The following MRPL48 variants were observed in gnomAD, a reference collection of about 807,000 sequenced individuals.
The protein encoded by MRPL48 is mitochondrial ribosomal protein L48, also known as large ribosomal subunit protein mL48.
A neutral mutation model predicts 32.9 loss-of-function variants in MRPL48; 16 were observed. The ratio of observed to expected loss-of-function variants is 0.49; its 90% CI spans 0.33 to 0.74. The LOEUF (loss-of-function observed/expected upper bound fraction) is 0.74. MRPL48 is among the 30% of genes least tolerant of loss of function. MRPL48 has a pLI of 0.02. For synonymous variants in MRPL48, 94 were observed against 89.2 expected, an observed-to-expected ratio of 1.05 and a Z score of -0.31; for missense variants, 206 against 245.3, an observed-to-expected ratio of 0.84 and a Z score of 1.07.
At chr11:73,824,136 G>A (rs1194314035) in intron 3 of MRPL48, among the ~76,000 whole-genome samples, 2 of 151,898 alleles carry the variant, frequency 1.3e-5, no homozygotes, top group Non-Finnish European at 2.9e-5. Context: ...TTACAGCCAT[G>A]AGCCACCGCA....
At chr11:73,789,977 C>T (rs1490470462) in intron 1 of MRPL48, among the ~76,000 whole-genome samples, 1 of 151,850 alleles carries the variant, frequency 6.6e-6, no homozygotes, top group Non-Finnish European at 1.5e-5. Context: ...TTTACTAAAT[C>T]CTTGAACTCC....
intron 1 of MRPL48, 85 bp downstream of exon 1, chr11:73,788,077 G>T: frequency 6.4e-7 from 1 of 1,567,814 alleles, no homozygotes. Context: ...AGAGCGGGGA[G>T]GTGGCGGCGC....
chr11:73,835,203 G>T (rs546443928), intron 4 of MRPL48, among the ~76,000 whole-genome samples: 5 of 145,158 alleles, frequency 3.4e-5, no homozygotes, highest in Middle Eastern at 3.6e-3. Flanking sequence ...GTGCTGTGGT[G>T]TGATCTTGGC....
chr11:73,838,862 G>T (rs965749535), intron 4 of MRPL48, among the ~76,000 whole-genome samples: 1 of 152,118 alleles, frequency 6.6e-6, no homozygotes, highest in East Asian at 1.9e-4. Context: ...GTCTGGCTTC[G>T]TGATTCTGGG....
intron 5 of MRPL48, among the ~76,000 whole-genome samples, chr11:73,847,088 G>A (rs183300934): frequency 1.8e-4 from 28 of 151,414 alleles, no homozygotes; most frequent in Non-Finnish European, 3.2e-4. Context: ...TTTCTGGATT[G>A]TATAGTAAGT....
chr11:73,804,716 A>AT (rs1313148302), intron 1 of MRPL48, among the ~76,000 whole-genome samples: 1 of 152,250 alleles, frequency 6.6e-6, no homozygotes, highest in Non-Finnish European at 1.5e-5. Context: ...GATGCTGTGC[A>AT]TGGCAGATGC....
chr11:73,859,168 C>G (rs888531946), intron 5 of MRPL48, among the ~76,000 whole-genome samples: 1 of 152,168 alleles, frequency 6.6e-6, no homozygotes, highest in Non-Finnish European at 1.5e-5. Context: ...AAATCCTGTT[C>G]TAGAACAGTT....
chr11:73,839,547 T>C (rs1948155675), intron 4 of MRPL48, among the ~76,000 whole-genome samples: 1 of 152,138 alleles, frequency 6.6e-6, no homozygotes, highest in African/African-American at 2.4e-5. Flanking sequence ...TAAAGTAGTG[T>C]GGCTGGGTCA....
At chr11:73,844,058 G>A (rs1335360398) in intron 4 of MRPL48, among the ~76,000 whole-genome samples, 2 of 151,162 alleles carry the variant, frequency 1.3e-5, no homozygotes, top group Non-Finnish European at 2.9e-5. Context: ...CAGCCTGGGC[G>A]ACAAGAGTGA....
chr11:73,850,892 G>T (rs936342334), intron 5 of MRPL48: 1 of 245,980 alleles, frequency 4.1e-6, no homozygotes, highest in Non-Finnish European at 8.0e-6. Context: ...TAGCCAGGAT[G>T]GTCTCGATCT....
chr11:73,844,497 A>C (rs2135053358), intron 4 of MRPL48, among the ~76,000 whole-genome samples: 1 of 152,314 alleles, frequency 6.6e-6, no homozygotes, highest in East Asian at 1.9e-4. Flanking sequence ...ATAGAAGGCC[A>C]GAAATGGGAG....
intron 5 of MRPL48, among the ~76,000 whole-genome samples, chr11:73,853,912 G>C (rs947202363): frequency 6.6e-6 from 1 of 151,878 alleles, no homozygotes; most frequent in Non-Finnish European, 1.5e-5. Flanking sequence ...GGATGGTCTT[G>C]ATCTCCTGAC....
rs1281779451 is a variant in MRPL48, at chr11:73,800,823, T to C, written c.22-4204T>C. On this transcript the variant is annotated intron_variant, in intron 1 of 7. Coordinates refer to ENST00000310614, the MANE Select transcript of MRPL48 (RefSeq NM_016055.6). ...TTTTTTCTTTTTCTTTTTTTTTTTT[T>C]TTTTTGAGATGGAGTTTCGCTCTTG... Among the ~76,000 whole-genome samples, 3 of 147,572 alleles carry C rather than the reference T, an allele frequency of 2.0e-5. No individual in the cohort carries two copies. In the East Asian group the frequency reaches 5.8e-4, roughly 29 times the overall value.
intron 4 of MRPL48, among the ~76,000 whole-genome samples, chr11:73,839,986 T>C (rs1948160984): frequency 1.3e-5 from 2 of 151,530 alleles, no homozygotes; most frequent in East Asian, 1.9e-4. Context: ...TAGTCCCAGA[T>C]ACTTGGGAGG....
chr11:73,855,227 G>A (rs1948465375), intron 5 of MRPL48, among the ~76,000 whole-genome samples: 1 of 151,756 alleles, frequency 6.6e-6, no homozygotes, highest in Non-Finnish European at 1.5e-5. Context: ...CATTTATGGT[G>A]ATCTTTCTAG....
At chr11:73,862,860 G>A (rs570580152) in intron 6 of MRPL48, among the ~76,000 whole-genome samples, 14 of 151,446 alleles carry the variant, frequency 9.2e-5, no homozygotes, top group South Asian at 2.1e-4. Context: ...TCAAGGTTGC[G>A]GTGAGCTATG....
At chr11:73,832,006 A>G (rs555104871) in intron 4 of MRPL48, among the ~76,000 whole-genome samples, 21 of 151,136 alleles carry the variant, frequency 1.4e-4, no homozygotes, top group South Asian at 6.3e-4. Flanking sequence ...GCACTGGGTC[A>G]TTTTTCCCAA....
In MRPL48 at chr11:73,840,454, AC is replaced by A. The variant is rs1341935237; in HGVS notation, c.202-4352del. On this transcript the variant is annotated intron_variant, in intron 4 of 7. Coordinates refer to ENST00000310614, the MANE Select transcript of MRPL48 (RefSeq NM_016055.6). The stretch of plus-strand genomic sequence containing the variant: ...GGCTGCAGTAAGCTGTGATTGTGCC[AC>A]TGAACTCCAGCCTGGGCAACAGAGT... 7.2e-5 allele frequency among the ~76,000 whole-genome samples: 11 copies of A among 152,224 alleles called. No individual in the cohort carries two copies. The East Asian group carries it at 2.1e-3, about 29-fold the overall frequency.
rs765071649 is a variant in MRPL48 at position 73,858,880 on chromosome 11, CTAA to C, written c.372-1023_372-1021del. Among the ~76,000 whole-genome samples the C allele has an allele frequency of 8.5e-5, 13 of 152,194 alleles. 1 individual carries two copies. The highest frequency in any genetic ancestry group is 1.9e-4 in the Non-Finnish European group (13 of 68,042). ...GAATGACTTACCTAAGTAAATATTG[CTAA>C]TAAGTAGCAGGACCAACACTTGACT... On this transcript the variant is annotated intron_variant, in intron 5 of 7. Transcript: ENST00000310614.
Sources: gnomAD v4.1 joint callset for allele counts (sites outside exome capture counted in the v4.1 genomes callset) on GRCh38, gnomAD v4.1.1 for gene constraint, MANE v1.5 for transcripts, NCBI Gene and HGNC (gene_info 2026-07-23, HGNC 2026-07-21) for gene names.